HMGA2: variants seen among roughly 807,000 people sequenced by gnomAD.
The protein encoded by HMGA2 is high mobility group AT-hook 2.
HMGA2 carries 8 observed loss-of-function variants against 19.1 expected under a neutral mutation model. The observed-to-expected ratio is 0.42, with a 90% confidence interval of 0.25 to 0.76. HMGA2 has a LOEUF of 0.76. HMGA2 is among the 30% of genes least tolerant of loss of function. The pLI is 0.28. For synonymous variants in HMGA2, 60 were observed against 48.8 expected, an observed-to-expected ratio of 1.23 and a Z score of -0.96; for missense variants, 109 against 136.3, an observed-to-expected ratio of 0.80 and a Z score of 1.00.
At chr12:65,940,493 T>G (rs1460856011) in intron 3 of HMGA2, among the ~76,000 whole-genome samples, 1 of 152,230 alleles carries the variant, frequency 6.6e-6, no homozygotes, top group African/African-American at 2.4e-5. Flanking sequence ...TTCTCCTTAT[T>G]TGGTCATTTT....
chr12:65,936,579 T>C (rs1183182360), intron 3 of HMGA2, among the ~76,000 whole-genome samples: 1 of 152,158 alleles, frequency 6.6e-6, no homozygotes, highest in Non-Finnish European at 1.5e-5. Flanking sequence ...ACAGTGGTAC[T>C]ACATTTATTG....
intron 3 of HMGA2, among the ~76,000 whole-genome samples, chr12:65,899,998 C>T (rs1284627618): frequency 6.6e-6 from 1 of 152,174 alleles, no homozygotes; most frequent in Non-Finnish European, 1.5e-5. Context: ...TCGTCTCAAT[C>T]ATCTGAATAT....
At chr12:65,854,309 G>A (rs147584469) in intron 3 of HMGA2, among the ~76,000 whole-genome samples, 182 of 152,208 alleles carry the variant, frequency 1.2e-3, no homozygotes, top group Middle Eastern at 6.8e-3. Flanking sequence ...ACTTTCTTTC[G>A]TGCCCTTTCT....
intron 1 of HMGA2, chr12:65,826,773 C>A (rs1216004310): frequency 1.5e-5 from 2 of 136,978 alleles, no homozygotes; most frequent in Non-Finnish European, 1.5e-5. Flanking sequence ...ACTAATTGCC[C>A]CCCCTCCAAA....
At chr12:65,828,291 C>CAT in intron 2 of HMGA2, 1 of 433,818 alleles carries the variant, frequency 2.3e-6, no homozygotes, top group South Asian at 2.1e-5. Context: ...TATGAAGATA[C>CAT]TTAACAGTGT....
rs1870016531 is a variant in HMGA2, at chr12:65,824,642, C to T, written c.-629C>T. ...TCCTCTGCCTGTGCTCCGTGCCCGACCCTATCCCGGCGGAGTCTCCCCATC... is the reference window on the plus strand; with the variant it reads ...TCCTCTGCCTGTGCTCCGTGCCCGATCCTATCCCGGCGGAGTCTCCCCATC... On this transcript the variant is annotated 5_prime_UTR_variant, in exon 1 of 5. Coordinates refer to ENST00000403681, the MANE Select transcript of HMGA2 (RefSeq NM_003483.6). 4.3e-6 allele frequency: 1 copy of T among 233,492 alleles called. No individual in the cohort carries two copies. The highest frequency in any genetic ancestry group is 1.8e-4 in the South Asian group (1 of 5,542). 14.5% of individuals were successfully genotyped at this position (233,492 alleles called of 1,614,324 possible).
intron 4 of HMGA2, chr12:65,958,472 A>C (rs1876663059): frequency 6.6e-6 from 1 of 152,236 alleles, no homozygotes; most frequent in African/African-American, 2.4e-5. Context: ...CATTAAGTTA[A>C]ACAGTCCCGA....
chr12:65,876,869 T>G (rs1873064769), intron 3 of HMGA2: 1 of 152,402 alleles, frequency 6.6e-6, no homozygotes, highest in Non-Finnish European at 1.5e-5. Context: ...ACAGAACTTG[T>G]CTTACCCCAT....
At chr12:65,931,180 T>A (rs1321409765) in intron 3 of HMGA2, among the ~76,000 whole-genome samples, 1 of 152,218 alleles carries the variant, frequency 6.6e-6, no homozygotes. Context: ...AAGGTTGTTT[T>A]ATGGTTATTG....
intron 3 of HMGA2, chr12:65,881,806 C>A: frequency 1.4e-6 from 1 of 703,040 alleles, no homozygotes; most frequent in Non-Finnish European, 2.6e-6. Context: ...TGGCCTTGCG[C>A]GCAAGTGGTG....
intron 3 of HMGA2, among the ~76,000 whole-genome samples, chr12:65,926,095 A>T (rs548566767): frequency 4.6e-5 from 7 of 152,336 alleles, no homozygotes; most frequent in Admixed American, 2.6e-4. Flanking sequence ...AAAATAAATT[A>T]TTCTGTCCTC....
At chr12:65,838,754 A>G (rs924549081) in intron 3 of HMGA2, among the ~76,000 whole-genome samples, 185 bp downstream of exon 3, 3 of 152,140 alleles carry the variant, frequency 2.0e-5, no homozygotes, top group Non-Finnish European at 4.4e-5. Flanking sequence ...GTGTTTACGT[A>G]GAACACTTTT....
chr12:65,840,115 C>T (rs1870931356), intron 3 of HMGA2, among the ~76,000 whole-genome samples: 1 of 152,274 alleles, frequency 6.6e-6, no homozygotes, highest in South Asian at 2.1e-4. Flanking sequence ...AAGATGTCAC[C>T]TAGAACTAAA....
chr12:65,873,286 T>A (rs988768012), intron 3 of HMGA2, among the ~76,000 whole-genome samples: 3 of 152,260 alleles, frequency 2.0e-5, no homozygotes, highest in African/African-American at 4.8e-5. Flanking sequence ...TGTCTGCACC[T>A]GTACCATGAG....
In HMGA2 at chr12:65,933,898, C is replaced by T. The variant is rs181755134; in HGVS notation, c.250-17485C>T. Among the ~76,000 whole-genome samples the T allele has an allele frequency of 6.2e-4, 95 of 152,262 alleles. No individual in the cohort carries two copies. The East Asian group carries it at 0.013, about 20-fold the overall frequency. On this transcript the variant is annotated intron_variant, in intron 3 of 4. Coordinates refer to ENST00000403681, the MANE Select transcript of HMGA2 (RefSeq NM_003483.6). ...AATAGAGTGAAGAAAGCAATGCCAACGTAGACCAATTTTATCACTAATATA... is the reference window on the plus strand; with the variant it reads ...AATAGAGTGAAGAAAGCAATGCCAATGTAGACCAATTTTATCACTAATATA...
At chr12:65,893,070 A>T (rs1873980349) in intron 3 of HMGA2, among the ~76,000 whole-genome samples, 4 of 152,126 alleles carry the variant, frequency 2.6e-5, no homozygotes, top group African/African-American at 9.7e-5. Context: ...TGATGGCTAC[A>T]CTGCACCCCG....
At chr12:65,848,856 C>G (rs1391292934) in intron 3 of HMGA2, among the ~76,000 whole-genome samples, 2 of 151,960 alleles carry the variant, frequency 1.3e-5, no homozygotes, top group Non-Finnish European at 2.9e-5. Flanking sequence ...GAGCGAGACT[C>G]CGTCTCAAAA....
At chr12:65,903,514 A>G (rs1874458301) in intron 3 of HMGA2, among the ~76,000 whole-genome samples, 1 of 152,220 alleles carries the variant, frequency 6.6e-6, no homozygotes, top group Non-Finnish European at 1.5e-5. Flanking sequence ...TCACAAGAGC[A>G]GAATGAACAT....
chr12:65,885,174 TATAAC>T (rs1300883438), intron 3 of HMGA2, among the ~76,000 whole-genome samples: 2 of 152,224 alleles, frequency 1.3e-5, no homozygotes, highest in Non-Finnish European at 2.9e-5. Context: ...AGCTGTGACA[TATAAC>T]AGATGAAATT....
Sources: allele counts gnomAD v4.1 joint callset (sites outside exome capture counted in the v4.1 genomes callset), GRCh38; gene constraint gnomAD v4.1.1; transcripts MANE v1.5; gene names NCBI Gene and HGNC (gene_info 2026-07-23, HGNC 2026-07-21).